Variants in BTBD9 observed in about 807,000 individuals in gnomAD.
BTBD9 encodes the protein BTB domain containing 9, also known as BTB/POZ domain-containing protein 9.
Under a neutral mutation model 64.3 loss-of-function variants are expected in BTBD9, and 49 were observed. The ratio of observed to expected loss-of-function variants is 0.76; its 90% CI spans 0.61 to 0.97. BTBD9 has a LOEUF of 0.97. Ranked by LOEUF, BTBD9 falls within the 50% of genes least tolerant of loss-of-function variation. The pLI is 0.00. For missense variants in BTBD9, 598 were observed against 762.1 expected (o/e 0.78, Z 2.53); for synonymous variants, 260 against 274.7 (o/e 0.95, Z 0.53).
At chr6:38,539,158 C>T (rs1774154966) in intron 6 of BTBD9, among the ~76,000 whole-genome samples, 1 of 152,126 alleles carries the variant, frequency 6.6e-6, no homozygotes, top group African/African-American at 2.4e-5. Flanking sequence ...TCTCAAACTC[C>T]TGGCCTCAAG....
chr6:38,577,644 C>T lies in BTBD9; in HGVS notation c.1110G>A (p.Leu370=), dbSNP rs1448469071. 2 of 1,610,676 alleles carry T rather than the reference C, an allele frequency of 1.2e-6. No homozygotes were observed. The highest frequency in any genetic ancestry group is 1.3e-5 in the African/African-American group (1 of 74,884). Reference sequence around the variant, plus strand: ...AATATAATTTCTGCCAAGAACGACACAGATATTGTGAATGATCTATCACTC... The same window carrying T: ...AATATAATTTCTGCCAAGAACGACATAGATATTGTGAATGATCTATCACTC... ...WVRVIDHSQY[L]CRSWQKLYFP... Residue 370 remains leucine, a synonymous_variant, in exon 6 of 11, where the codon CTG becomes CTA. Coordinates refer to ENST00000481247, the MANE Select transcript of BTBD9 (RefSeq NM_001099272.2).
At chr6:38,603,926 T>C (rs990471092) in intron 1 of BTBD9, among the ~76,000 whole-genome samples, 2 of 152,214 alleles carry the variant, frequency 1.3e-5, no homozygotes, top group African/African-American at 4.8e-5. Context: ...TTAATATCGC[T>C]TGGGGAGATA....
intron 9 of BTBD9, among the ~76,000 whole-genome samples, chr6:38,220,732 C>T (rs948591328): frequency 1.3e-5 from 2 of 152,216 alleles, no homozygotes; most frequent in East Asian, 3.8e-4. Context: ...GAGCCATACA[C>T]TAAAAATGCA....
chr6:38,582,641 C>T (rs1341488633), intron 4 of BTBD9, among the ~76,000 whole-genome samples: 1 of 151,868 alleles, frequency 6.6e-6, no homozygotes, highest in African/African-American at 2.4e-5. Context: ...TGCCTTAGAC[C>T]CAGAGGAAAG....
At chr6:38,323,407 G>A (rs554355660) in intron 7 of BTBD9, among the ~76,000 whole-genome samples, 18 of 152,308 alleles carry the variant, frequency 1.2e-4, no homozygotes, top group Middle Eastern at 3.4e-3. Context: ...AGGGACAGAA[G>A]GGATAAAGTA....
chr6:38,280,221 G>A (rs1761457873), intron 8 of BTBD9, among the ~76,000 whole-genome samples: 1 of 152,138 alleles, frequency 6.6e-6, no homozygotes, highest in Non-Finnish European at 1.5e-5. Flanking sequence ...GGCCCTCTAT[G>A]CATTCACACA....
intron 7 of BTBD9, among the ~76,000 whole-genome samples, chr6:38,322,214 G>A (rs781350357): frequency 1.3e-5 from 2 of 152,032 alleles, no homozygotes; most frequent in Non-Finnish European, 2.9e-5. Context: ...CCTTCTCACT[G>A]TACATTGCCT....
Position 38,182,481 on chromosome 6 carries a change from C to T in BTBD9, c.1642-7299G>A, listed in dbSNP as rs117411729. On this transcript the variant is annotated intron_variant, in intron 10 of 10. Coordinates refer to ENST00000481247, the MANE Select transcript of BTBD9 (RefSeq NM_001099272.2). ...GCAGGCTTCTGGGATGCCTGAATCT[C>T]CCCACCTGATAGATGTGGCCTCACC... 2.0e-5 allele frequency among the ~76,000 whole-genome samples: 3 copies of T among 152,310 alleles called. No homozygotes were observed. In the East Asian group the frequency reaches 5.8e-4, roughly 29 times the overall value.
chr6:38,422,828 G>A (rs775449497), intron 6 of BTBD9, among the ~76,000 whole-genome samples: 2 of 151,948 alleles, frequency 1.3e-5, no homozygotes, highest in Non-Finnish European at 2.9e-5. Flanking sequence ...GGCCAGATGC[G>A]GTGGCTCACA....
In BTBD9 at chr6:38,169,957, C is replaced by G. The variant is rs1057272588; in HGVS notation, c.*5028G>C. 3.3e-5 allele frequency: 5 copies of G among 152,156 alleles called. No individual in the cohort carries two copies. Among genetic ancestry groups the G allele is most frequent in the African/African-American group, 1.2e-4 (5 of 41,418 alleles). 9.4% of individuals were successfully genotyped at this position (152,156 alleles called of 1,614,324 possible). ...GAGGGCCGTTCAGCCTGGCTTCTGA[C>G]TGGAAGCTCGCTGGGTGCAGCAGAC... On this transcript the variant is annotated 3_prime_UTR_variant, in exon 11 of 11. Coordinates refer to ENST00000481247, the MANE Select transcript of BTBD9 (RefSeq NM_001099272.2).
At chr6:38,255,286 G>A (rs1456157411) in intron 9 of BTBD9, among the ~76,000 whole-genome samples, 2 of 152,180 alleles carry the variant, frequency 1.3e-5, no homozygotes, top group Admixed American at 1.3e-4. Flanking sequence ...GGGAGTGACT[G>A]CTAATGGGGA....
chr6:38,591,211 T>G (rs1339388754), intron 4 of BTBD9, among the ~76,000 whole-genome samples: 1 of 152,220 alleles, frequency 6.6e-6, no homozygotes, highest in Non-Finnish European at 1.5e-5. Context: ...TCACATAGTT[T>G]CTTTGCTATT....
chr6:38,496,679 G>C (rs1205985254), intron 6 of BTBD9, among the ~76,000 whole-genome samples: 1 of 151,490 alleles, frequency 6.6e-6, no homozygotes, highest in Non-Finnish European at 1.5e-5. Context: ...AAAAGAGAGA[G>C]AGAGATGGAA....
At chr6:38,587,181 T>G (rs1776573676) in intron 4 of BTBD9, 1 of 175,458 alleles carries the variant, frequency 5.7e-6, no homozygotes, top group Non-Finnish European at 1.2e-5. Context: ...GAGGGGTCAG[T>G]GACCACAGAC....
At chr6:38,233,241 T>C (rs1284408945) in intron 9 of BTBD9, among the ~76,000 whole-genome samples, 1 of 152,232 alleles carries the variant, frequency 6.6e-6, no homozygotes, top group African/African-American at 2.4e-5. Context: ...TACTCCTTCA[T>C]TCCTAAATTC....
chr6:38,587,576 C>T (rs1253591126), intron 4 of BTBD9: 3 of 574,380 alleles, frequency 5.2e-6, no homozygotes, highest in South Asian at 4.8e-5. Flanking sequence ...TGTAGTAGGA[C>T]ACTGAAATTG....
chr6:38,313,453 T>G (rs1163148143), intron 7 of BTBD9, among the ~76,000 whole-genome samples: 1 of 152,220 alleles, frequency 6.6e-6, no homozygotes, highest in Non-Finnish European at 1.5e-5. Context: ...ATCCTTGTCA[T>G]GTTCCCGATC....
At chr6:38,312,993 G>C (rs1762894448) in intron 7 of BTBD9, among the ~76,000 whole-genome samples, 2 of 152,158 alleles carry the variant, frequency 1.3e-5, no homozygotes, top group South Asian at 4.1e-4. Context: ...GACTGCTTTG[G>C]ATAGTATGGA....
At chr6:38,327,052 T>C (rs1008956240) in intron 7 of BTBD9, among the ~76,000 whole-genome samples, 6 of 152,174 alleles carry the variant, frequency 3.9e-5, no homozygotes, top group South Asian at 2.1e-4. Context: ...TTTCCTGTCA[T>C]TACAGGGGCA....
Sources: allele counts gnomAD v4.1 joint callset (sites outside exome capture counted in the v4.1 genomes callset), GRCh38; gene constraint gnomAD v4.1.1; transcripts MANE v1.5; gene names NCBI Gene and HGNC (gene_info 2026-07-23, HGNC 2026-07-21).